SLC25A53: variants seen among roughly 807,000 people sequenced by gnomAD.
The protein encoded by SLC25A53 is solute carrier family 25 member 53.
A neutral mutation model predicts 15.0 loss-of-function variants in SLC25A53; 5 were observed. That is an observed-to-expected ratio of 0.33 (90% CI 0.17 to 0.70). SLC25A53 has a LOEUF of 0.70. Among genes scored for constraint, SLC25A53 ranks in the 30% least tolerant of loss-of-function variants. The pLI, the probability that SLC25A53 is intolerant of heterozygous loss-of-function variation, is 0.67. For synonymous variants in SLC25A53, 95 were observed against 100.0 expected (o/e 0.95, Z 0.30); for missense variants, 216 against 241.6 (o/e 0.89, Z 0.70).
intron 1 of SLC25A53, among the ~76,000 whole-genome samples, chrX:104,153,474 G>A (rs1556370835): frequency 1.8e-5 from 2 of 111,630 alleles, no homozygotes; most frequent in African/African-American, 6.5e-5. Context: ...CTTCTAAAGG[G>A]AGAGTTTTAT....
chrX:104,129,543 G>T (rs979572618), intron 1 of SLC25A53, among the ~76,000 whole-genome samples: 2 of 109,804 alleles, frequency 1.8e-5, no homozygotes, highest in South Asian at 7.7e-4. Context: ...TACAGTATGA[G>T]AGCAGAAACA....
chrX:104,116,386 T>C (rs1323130356), intron 1 of SLC25A53, among the ~76,000 whole-genome samples: 1 of 110,940 alleles, frequency 9.0e-6, no homozygotes, highest in Non-Finnish European at 1.9e-5. Flanking sequence ...CCTGAGGACC[T>C]GAGGGAGTTT....
Position 104,099,681 on chromosome X carries a change from A to G in SLC25A53, c.*4653T>C, listed in dbSNP as rs2075272947. On this transcript the variant is annotated 3_prime_UTR_variant, in exon 2 of 2. Coordinates refer to ENST00000594199, the MANE Select transcript of SLC25A53 (RefSeq NM_001012755.5). ...CTTATAAGGAAGAAAACTTATAAACAAAAGCAAAGAAATTATTATTACAAA... is the reference window on the plus strand; with the variant it reads ...CTTATAAGGAAGAAAACTTATAAACGAAAGCAAAGAAATTATTATTACAAA... 1 of 112,145 alleles carries G rather than the reference A, an allele frequency of 8.9e-6. No individual in the cohort carries two copies. Among genetic ancestry groups the G allele is most frequent in the African/African-American group, 3.2e-5 (1 of 30,828 alleles). 9.2% of individuals were successfully genotyped at this position (112,145 alleles called of 1,213,427 possible).
chrX:104,105,231 C>T lies in SLC25A53; in HGVS notation c.27G>A (p.Gly9=), dbSNP rs782755649. The T allele has an allele frequency of 8.3e-7, 1 of 1,207,637 alleles. No individual in the cohort carries two copies. The highest frequency in any genetic ancestry group is 1.1e-6 in the Non-Finnish European group (1 of 893,830). The part of the protein sequence containing the change: MGEQNHSP[G]KELQHRTRAE... ...CTCGCGTCCTGTGCTGAAGCTCCTTCCCGGGAGAGTGGTTCTGCTCCCCCA... is the reference window on the plus strand; with the variant it reads ...CTCGCGTCCTGTGCTGAAGCTCCTTTCCGGGAGAGTGGTTCTGCTCCCCCA... The change falls in exon 2 of 2, where the codon GGG becomes GGA. Residue 9 remains glycine, a synonymous_variant. Transcript: ENST00000594199.
chrX:104,113,034 T>C (rs1556359768), intron 1 of SLC25A53: 1 of 64,390 alleles, frequency 1.6e-5, no homozygotes, highest in Non-Finnish European at 2.8e-5. Flanking sequence ...GTCGGGGGTG[T>C]TGTTGGGTGT....
chrX:104,147,157 C>A (rs1401094276), intron 1 of SLC25A53, among the ~76,000 whole-genome samples: 1 of 111,371 alleles, frequency 9.0e-6, no homozygotes, highest in Non-Finnish European at 1.9e-5. Flanking sequence ...CGCATATCTA[C>A]AACTATCTGA....
intron 1 of SLC25A53, among the ~76,000 whole-genome samples, chrX:104,118,992 A>G (rs1352771721): frequency 2.7e-5 from 3 of 111,964 alleles, no homozygotes; most frequent in African/African-American, 9.8e-5. Context: ...TCAGAGTTGC[A>G]TTATCACATT....
intron 1 of SLC25A53, among the ~76,000 whole-genome samples, chrX:104,107,625 T>A (rs781838728): frequency 0.034 from 3,805 of 112,331 alleles, 82 homozygotes; most frequent in Middle Eastern, 0.11. Flanking sequence ...ATATTTGTCC[T>A]TTCTTCTACC....
In SLC25A53 at chrX:104,150,031, G is replaced by A. The variant is rs782116998; in HGVS notation, c.-32+6847C>T. ...GAGGATCACTTGAGGTCAGGAGTTC[G>A]AGACCAGCCTGGCCAAGATGGCAAA... On this transcript the variant is annotated intron_variant, in intron 1 of 1. Transcript: ENST00000594199. Among the ~76,000 whole-genome samples the A allele has an allele frequency of 1.0e-4, 11 of 109,527 alleles. No individual in the cohort carries two copies. In the East Asian group the frequency reaches 3.2e-3, roughly 32 times the overall value.
intron 1 of SLC25A53, among the ~76,000 whole-genome samples, chrX:104,134,513 T>C (rs2147875972): frequency 9.0e-6 from 1 of 111,680 alleles, no homozygotes; most frequent in East Asian, 2.8e-4. Flanking sequence ...CCACCTGAGT[T>C]TGAATCTAGG....
intron 1 of SLC25A53, among the ~76,000 whole-genome samples, chrX:104,148,265 C>T (rs2075474500): frequency 9.4e-6 from 1 of 106,285 alleles, no homozygotes; most frequent in African/African-American, 3.5e-5. Flanking sequence ...AACACATGGA[C>T]ACAGGAAGGG....
intron 1 of SLC25A53, among the ~76,000 whole-genome samples, chrX:104,128,977 T>C: frequency 8.9e-6 from 1 of 112,106 alleles, no homozygotes. Context: ...TGTATGCTTC[T>C]GTCTAAAGAC....
chrX:104,130,490 T>TA (rs1158417251), intron 1 of SLC25A53: 1 of 111,359 alleles, frequency 9.0e-6, no homozygotes, highest in Non-Finnish European at 1.9e-5. Flanking sequence ...ACTGTCCAAC[T>TA]AACCTTCATA....
At chrX:104,156,055 CAA>C (rs11323988) in intron 1 of SLC25A53, among the ~76,000 whole-genome samples, 5 of 34,153 alleles carry the variant, frequency 1.5e-4, no homozygotes, top group Admixed American at 3.9e-4. Context: ...GACTCCTTAT[CAA>C]AAAAAAAAAA....
intron 1 of SLC25A53, among the ~76,000 whole-genome samples, chrX:104,155,182 A>G (rs931721810): frequency 1.9e-5 from 2 of 107,612 alleles, no homozygotes; most frequent in Non-Finnish European, 3.8e-5. Flanking sequence ...TTTTTGAGAC[A>G]GAGTCTCACT....
chrX:104,150,442 G>C (rs1005754261), intron 1 of SLC25A53, among the ~76,000 whole-genome samples: 1 of 110,650 alleles, frequency 9.0e-6, no homozygotes, highest in Non-Finnish European at 1.9e-5. Context: ...CTCACAGCTG[G>C]GCCTTGGTGT....
At chrX:104,129,845 T>C (rs2075420721) in intron 1 of SLC25A53, among the ~76,000 whole-genome samples, 1 of 84,754 alleles carries the variant, frequency 1.2e-5, no homozygotes, top group Non-Finnish European at 2.2e-5. Flanking sequence ...AACACATATA[T>C]ATCCACACAA....
intron 1 of SLC25A53, among the ~76,000 whole-genome samples, chrX:104,152,057 C>T (rs1416429859): frequency 1.5e-5 from 1 of 67,920 alleles, no homozygotes; most frequent in Non-Finnish European, 3.8e-5. Context: ...GAACAGATTT[C>T]TTTTCTGTTT....
At chrX:104,120,465 T>C (rs2075390125) in intron 1 of SLC25A53, among the ~76,000 whole-genome samples, 1 of 112,161 alleles carries the variant, frequency 8.9e-6, no homozygotes, top group South Asian at 3.6e-4. Flanking sequence ...CTACTATAAA[T>C]TAAATATTGG....
Sources: allele counts gnomAD v4.1 joint callset (sites outside exome capture counted in the v4.1 genomes callset), GRCh38; gene constraint gnomAD v4.1.1; transcripts MANE v1.5; gene names NCBI Gene and HGNC (gene_info 2026-07-23, HGNC 2026-07-21).